Variants in AMPD2 observed in about 807,000 individuals in gnomAD.
AMPD2 encodes AMP deaminase 2.
AMPD2 carries 52 observed loss-of-function variants against 91.3 expected under a neutral mutation model. The ratio of observed to expected loss-of-function variants is 0.57; its 90% CI spans 0.46 to 0.72. AMPD2 has a LOEUF of 0.72. Ranked by LOEUF, AMPD2 falls within the 30% of genes least tolerant of loss-of-function variation. The pLI is 0.00. For missense variants in AMPD2, 822 were observed against 1,122.3 expected, an observed-to-expected ratio of 0.73 and a Z score of 3.82; for synonymous variants, 455 against 456.4, an observed-to-expected ratio of 1.00 and a Z score of 0.04.
Position 109,627,527 on chromosome 1 carries a change from C to G in AMPD2, c.950+9C>G, listed in dbSNP as rs765298297. The G allele has an allele frequency of 2.5e-6, 4 of 1,613,924 alleles. No individual in the cohort carries two copies. The South Asian group carries it at 4.4e-5, about 18-fold the overall frequency. On this transcript the variant is annotated intron_variant, in intron 9 of 18. Transcript: ENST00000528667. ...ATTATCAATGGCCCCATGTGAGTCC[C>G]CTGCCATCCCAGACACTTAGCTCCC...
chr1:109,629,275 C>T (rs759586045), intron 14 of AMPD2, 40 bp downstream of exon 14: 32 of 1,613,848 alleles, frequency 2.0e-5, no homozygotes, highest in South Asian at 1.3e-4. Flanking sequence ...GGAGGGCAGC[C>T]GGCTTCGCAT....
Position 109,624,990 on chromosome 1 carries a change from A to T in AMPD2, c.92-313A>T, listed in dbSNP as rs2101152152. ...ACACGTGCACCTGCCTCTGGGAGGT[A>T]GTCACGTGGAGATTCTCATGGCCTG... On this transcript the variant is annotated intron_variant, in intron 2 of 18. Coordinates refer to ENST00000528667, the MANE Select transcript of AMPD2 (RefSeq NM_001368809.2). This position sits in a 1 kb window ranked among gnomAD's most constrained non-coding sequence, Gnocchi z 5.2. Among the ~76,000 whole-genome samples the T allele has an allele frequency of 6.6e-6, 1 of 152,250 alleles. No individual in the cohort carries two copies. Among genetic ancestry groups the T allele is most frequent in the South Asian group, 2.1e-4 (1 of 4,832 alleles).
chr1:109,620,293 G>A lies in AMPD2; in HGVS notation c.-263+15G>A. On this transcript the variant is annotated intron_variant, in intron 1 of 18. Transcript: ENST00000528667. ...CATGGCCTCAGGTGAGTGTGTGTACGTGTGTTGGAGGGAGGGTCTCTGGGA... is the reference window on the plus strand; with the variant it reads ...CATGGCCTCAGGTGAGTGTGTGTACATGTGTTGGAGGGAGGGTCTCTGGGA... 1 of 1,613,802 alleles carries A rather than the reference G, an allele frequency of 6.2e-7. No homozygotes were observed. The highest frequency in any genetic ancestry group is 8.5e-7 in the Non-Finnish European group (1 of 1,179,812).
At chr1:109,623,812 C>G (rs1255975585) in intron 2 of AMPD2, 1 of 162,148 alleles carries the variant, frequency 6.2e-6, no homozygotes, top group Non-Finnish European at 1.3e-5. Flanking sequence ...CCTTAGGAGC[C>G]TCACATCTGG....
At chr1:109,626,556 C>A in intron 6 of AMPD2, 129 bp downstream of exon 6, 2 of 1,292,400 alleles carry the variant, frequency 1.5e-6, no homozygotes, top group Non-Finnish European at 2.1e-6. Flanking sequence ...GGCGGAGGGG[C>A]AGAGGGGCTG....
At chr1:109,630,066 A>G in intron 16 of AMPD2, 150 bp downstream of exon 16, 1 of 1,419,962 alleles carries the variant, frequency 7.0e-7, no homozygotes, top group Admixed American at 1.9e-5. Flanking sequence ...CCCAGCCTTC[A>G]GCCTGGGGCC....
rs758679642 is a variant in AMPD2 at position 109,631,038 on chromosome 1, C to T, written c.2364C>T (p.Tyr788=). Residue 788 remains tyrosine, a synonymous_variant, in exon 19 of 19, where the codon TAC becomes TAT. Transcript: ENST00000528667. The stretch of plus-strand genomic sequence containing the variant: ...ATGTGCCAGACATCCGCGTGGGCTA[C>T]CGCTACGAGACCCTGTGCCAGGAGC... ...RTNVPDIRVG[Y]RYETLCQELA... is the part of the protein sequence containing the mutation. 6.2e-7 allele frequency: 1 copy of T among 1,614,192 alleles called. No homozygotes were observed. Among genetic ancestry groups the T allele is most frequent in the Non-Finnish European group, 8.5e-7 (1 of 1,180,034 alleles).
rs774161321 is a variant in AMPD2 at position 109,625,364 on chromosome 1, C to A, written c.153C>A (p.Ala51=). The A allele has an allele frequency of 6.2e-7, 1 of 1,613,846 alleles. No individual in the cohort carries two copies. Among genetic ancestry groups the A allele is most frequent in the Non-Finnish European group, 8.5e-7 (1 of 1,179,962 alleles). Residue 51 remains alanine, a synonymous_variant, in exon 3 of 19, where the codon GCC becomes GCA. Coordinates refer to ENST00000528667, the MANE Select transcript of AMPD2 (RefSeq NM_001368809.2). This position sits in a 1 kb window ranked among gnomAD's most constrained non-coding sequence, Gnocchi z 4.0. ...CTGCCCGATCCCTGCCGGGCCCCGCCCCCTGCCTCAAGCACTTCCCGCTCG... is the reference window on the plus strand; with the variant it reads ...CTGCCCGATCCCTGCCGGGCCCCGCACCCTGCCTCAAGCACTTCCCGCTCG... ...LQSARSLPGP[A]PCLKHFPLDL... is the part of the protein sequence containing the mutation.
Position 109,620,670 on chromosome 1 carries a change from C to A in AMPD2, c.-262-244C>A, listed in dbSNP as rs1026968195. On this transcript the variant is annotated intron_variant, in intron 1 of 18. Coordinates refer to ENST00000528667, the MANE Select transcript of AMPD2 (RefSeq NM_001368809.2). ...AAGGAAAGTGGGTGCTGGGTTTTCA[C>A]GGAGTATGCCTGCCCTGCCCCGGGA... The A allele has an allele frequency of 1.5e-5, 18 of 1,195,642 alleles. No homozygotes were observed. In the African/African-American group the frequency reaches 2.4e-4, roughly 16 times the overall value. The allele number at this position is 1,195,642 out of a possible 1,614,324, so 74.1% of individuals were successfully genotyped here.
chr1:109,630,887 G>C (rs935417680), intron 18 of AMPD2, 56 bp from the exon 19 acceptor site: 39 of 1,604,752 alleles, frequency 2.4e-5, no homozygotes, highest in Non-Finnish European at 3.2e-5. Flanking sequence ...GCTTGGGGTG[G>C]GGCATGACCC....
intron 6 of AMPD2, 87 bp from the exon 7 acceptor site, chr1:109,626,639 G>A (rs1309844846): frequency 2.0e-6 from 3 of 1,515,644 alleles, no homozygotes; most frequent in Non-Finnish European, 2.7e-6. Flanking sequence ...TGGGAGGTGG[G>A]GATAGTTTGG....
At chr1:109,623,164 T>C (rs888219836) in intron 2 of AMPD2, among the ~76,000 whole-genome samples, 4 of 152,146 alleles carry the variant, frequency 2.6e-5, no homozygotes, top group African/African-American at 9.7e-5. Flanking sequence ...AGGCCTTGCC[T>C]CAACACAGAG....
chr1:109,621,380 T>TG, intron 2 of AMPD2, 114 bp downstream of exon 2: 2 of 957,668 alleles, frequency 2.1e-6, no homozygotes, highest in South Asian at 2.7e-5. Context: ...CTCTCTGTGG[T>TG]GGTGCCCCTC....
chr1:109,628,021 C>G lies in AMPD2; in HGVS notation c.1081-62C>G. ...GTACAGAGGGTCCTTTCCCATTGCACTGCCCCAGGCCCCAGACCTTCCTGG... is the reference window on the plus strand; with the variant it reads ...GTACAGAGGGTCCTTTCCCATTGCAGTGCCCCAGGCCCCAGACCTTCCTGG... On this transcript the variant is annotated intron_variant, in intron 10 of 18. Coordinates refer to ENST00000528667, the MANE Select transcript of AMPD2 (RefSeq NM_001368809.2). This position sits in a 1 kb window ranked among gnomAD's most constrained non-coding sequence, Gnocchi z 7.1. 6.3e-7 allele frequency: 1 copy of G among 1,597,304 alleles called. No individual in the cohort carries two copies. The highest frequency in any genetic ancestry group is 2.2e-5 in the East Asian group (1 of 44,712).
Position 109,627,537 on chromosome 1 carries a change from C to T in AMPD2, c.950+19C>T. 1.2e-6 allele frequency: 2 copies of T among 1,613,432 alleles called. No homozygotes were observed. Among genetic ancestry groups the T allele is most frequent in the African/African-American group, 1.3e-5 (1 of 74,988 alleles). On this transcript the variant is annotated intron_variant, in intron 9 of 18. Transcript: ENST00000528667. The stretch of plus-strand genomic sequence containing the variant: ...GCCCCATGTGAGTCCCCTGCCATCC[C>T]AGACACTTAGCTCCCCTCCCAGCCC...
chr1:109,625,404 A>G lies in AMPD2; in HGVS notation c.193A>G (p.Met65Val). 1 of 1,613,902 alleles carries G rather than the reference A, an allele frequency of 6.2e-7. No individual in the cohort carries two copies. Among genetic ancestry groups the G allele is most frequent in the Non-Finnish European group, 8.5e-7 (1 of 1,179,980 alleles). ...KHFPLDLRTS[M>V]DGKCKEIAEE... The stretch of plus-strand genomic sequence containing the variant: ...CTTCCCGCTCGACCTGCGCACGTCT[A>G]TGGATGGCAAATGCAAGGAGATCGC... Residue 65 changes from methionine to valine, a missense_variant, in exon 3 of 19, where the codon ATG becomes GTG. Physicochemically the swap from Met to Val is conservative, Grantham distance 21. Coordinates refer to ENST00000528667, the MANE Select transcript of AMPD2 (RefSeq NM_001368809.2). This position sits in a 1 kb window ranked among gnomAD's most constrained non-coding sequence, Gnocchi z 4.0.
At chr1:109,626,972 G>A (rs1650744657) in intron 7 of AMPD2, 60 bp downstream of exon 7, 1 of 1,570,868 alleles carries the variant, frequency 6.4e-7, no homozygotes, top group Admixed American at 1.8e-5. Context: ...TTCTCAGCCT[G>A]GTGCCTGGGC....
Position 109,624,527 on chromosome 1 carries a change from C to A in AMPD2, c.92-776C>A, listed in dbSNP as rs1346398474. ...CCTTCCCCAGGGCCCTCTGTGGTGCCCCCGGTCCAGATCCTGGGGCCTGAG... is the reference window on the plus strand; with the variant it reads ...CCTTCCCCAGGGCCCTCTGTGGTGCACCCGGTCCAGATCCTGGGGCCTGAG... On this transcript the variant is annotated intron_variant, in intron 2 of 18. Transcript: ENST00000528667. The surrounding 1 kb of genome is among the most constrained non-coding windows in gnomAD (Gnocchi z 5.2). 6.6e-6 allele frequency among the ~76,000 whole-genome samples: 1 copy of A among 152,174 alleles called. No individual in the cohort carries two copies. The highest frequency in any genetic ancestry group is 2.4e-5 in the African/African-American group (1 of 41,430).
At chr1:109,627,108 C>A (rs979696590) in intron 7 of AMPD2, 67 bp from the exon 8 acceptor site, 16 of 1,603,756 alleles carry the variant, frequency 1.0e-5, no homozygotes, top group African/African-American at 4.0e-5. Flanking sequence ...CTCTGTGGGG[C>A]CTTTGGGTTG....
Sources: gnomAD v4.1 joint callset for allele counts (sites outside exome capture counted in the v4.1 genomes callset) on GRCh38, gnomAD v4.1.1 for gene constraint, Gnocchi (gnomAD v3.1) non-coding constraint, MANE v1.5 for transcripts, NCBI Gene and HGNC (gene_info 2026-07-23, HGNC 2026-07-21) for gene names.